PRKG1: variants seen among roughly 807,000 people sequenced by gnomAD.
PRKG1 encodes cGMP-dependent protein kinase 1.
PRKG1 carries 35 observed loss-of-function variants against 88.1 expected under a neutral mutation model. That is an observed-to-expected ratio of 0.40 (90% confidence interval 0.30 to 0.53). The LOEUF (loss-of-function observed/expected upper bound fraction) is 0.53. PRKG1 is among the 20% of genes least tolerant of loss of function. The pLI, the probability that PRKG1 is intolerant of heterozygous loss-of-function variation, is 0.59. For missense variants in PRKG1, 540 were observed against 839.8 expected (o/e 0.64, Z 4.41); for synonymous variants, 303 against 292.5 (o/e 1.04, Z -0.37).
chr10:51,992,200 A>T (rs886889738), intron 5 of PRKG1, among the ~76,000 whole-genome samples: 10 of 152,230 alleles, frequency 6.6e-5, no homozygotes, highest in African/African-American at 2.4e-4. Flanking sequence ...CCTCATGGCA[A>T]TTATATGCCC....
At position 51,831,386 on chromosome 10, in the gene PRKG1, A is replaced by AG. The variant is rs61561933; in HGVS notation, c.698+26696_698+26697insG. Among the ~76,000 whole-genome samples the AG allele has an allele frequency of 8.9e-3, 1,356 of 152,192 alleles. 25 individuals are homozygous for AG. The highest frequency in any genetic ancestry group is 0.031 in the African/African-American group (1,301 of 41,492). On this transcript the variant is annotated intron_variant, in intron 4 of 17. Coordinates refer to ENST00000373980, the MANE Select transcript of PRKG1 (RefSeq NM_006258.4). ...TCAATGCTAACCCCAGAAAAAAAAA[A>AG]TCACTGGTAACATTCTGGTCTATTT...
At chr10:51,573,927 T>C (rs1837820211) in intron 3 of PRKG1, among the ~76,000 whole-genome samples, 1 of 151,896 alleles carries the variant, frequency 6.6e-6, no homozygotes, top group Admixed American at 6.6e-5. Flanking sequence ...ATTTTAGATT[T>C]CCTTTCTCTT....
rs1036439439 is a variant in PRKG1, at chr10:51,554,511, C to T, written c.592+86675C>T. Among the ~76,000 whole-genome samples, 7 of 150,168 alleles carry T rather than the reference C, an allele frequency of 4.7e-5. 1 individual carries two copies. The highest frequency in any genetic ancestry group is 1.0e-4 in the Non-Finnish European group (7 of 67,402). ...CCTCTCTGCCTGATGAATCCCTAAT[C>T]ATTTATTTACTCAATGATTTTTCAA... On this transcript the variant is annotated intron_variant, in intron 3 of 17. Coordinates refer to ENST00000373980, the MANE Select transcript of PRKG1 (RefSeq NM_006258.4).
chr10:51,023,148 C>T (rs1222323263), intron 1 of PRKG1, among the ~76,000 whole-genome samples: 1 of 152,186 alleles, frequency 6.6e-6, no homozygotes, highest in Non-Finnish European at 1.5e-5. Context: ...CTATGTGTTA[C>T]CCTGAGAGTC....
intron 7 of PRKG1, among the ~76,000 whole-genome samples, chr10:52,109,104 G>C (rs1847495345): frequency 6.6e-6 from 1 of 152,116 alleles, no homozygotes; most frequent in Non-Finnish European, 1.5e-5. Context: ...GGGATTACAG[G>C]TGTGAGCCAC....
intron 3 of PRKG1, among the ~76,000 whole-genome samples, chr10:51,690,737 C>G (rs977990472): frequency 6.6e-6 from 1 of 151,780 alleles, no homozygotes; most frequent in Admixed American, 6.6e-5. Flanking sequence ...GCCATCCTGG[C>G]CAATATGGTG....
At chr10:51,816,115 G>T (rs774882124) in intron 4 of PRKG1, among the ~76,000 whole-genome samples, 4 of 152,124 alleles carry the variant, frequency 2.6e-5, no homozygotes, top group Non-Finnish European at 5.9e-5. Context: ...TTTTACTAAG[G>T]CATTTCCATT....
chr10:51,976,442 A>G (rs921841057), intron 5 of PRKG1, among the ~76,000 whole-genome samples: 2 of 152,050 alleles, frequency 1.3e-5, no homozygotes, highest in Non-Finnish European at 2.9e-5. Flanking sequence ...AAGTCCTTAT[A>G]AATGCTACAA....
At chr10:52,084,140 T>G (rs1846851065) in intron 7 of PRKG1, among the ~76,000 whole-genome samples, 1 of 152,014 alleles carries the variant, frequency 6.6e-6, no homozygotes, top group East Asian at 1.9e-4. Context: ...AAGGAGTTCA[T>G]TAGAAGATGA....
At chr10:51,905,467 C>G (rs976807848) in intron 4 of PRKG1, among the ~76,000 whole-genome samples, 6 of 152,168 alleles carry the variant, frequency 3.9e-5, no homozygotes, top group Non-Finnish European at 8.8e-5. Context: ...AAACATCAGG[C>G]ATACAAATGT....
intron 1 of PRKG1, among the ~76,000 whole-genome samples, chr10:51,083,441 A>C (rs1844164453): frequency 6.6e-6 from 1 of 151,560 alleles, no homozygotes; most frequent in Non-Finnish European, 1.5e-5. Context: ...AACAATGATG[A>C]GCGCCTCTTG....
intron 3 of PRKG1, among the ~76,000 whole-genome samples, chr10:51,522,826 T>A (rs1272718919): frequency 6.6e-6 from 1 of 152,178 alleles, no homozygotes; most frequent in Non-Finnish European, 1.5e-5. Context: ...GTTGCTAAGA[T>A]GATACATTCT....
chr10:51,163,554 G>A (rs1003876571), intron 2 of PRKG1, among the ~76,000 whole-genome samples: 9 of 152,268 alleles, frequency 5.9e-5, no homozygotes, highest in South Asian at 2.1e-4. Context: ...AGTGGGTGCC[G>A]CGCACCCGCA....
At chr10:51,180,644 G>A (rs1243770418) in intron 2 of PRKG1, among the ~76,000 whole-genome samples, 1 of 152,132 alleles carries the variant, frequency 6.6e-6, no homozygotes, top group African/African-American at 2.4e-5. Flanking sequence ...GCCTGCTTGC[G>A]AAGCAGACCC....
At chr10:51,977,910 T>A in intron 5 of PRKG1, among the ~76,000 whole-genome samples, 1 of 152,138 alleles carries the variant, frequency 6.6e-6, no homozygotes. Context: ...TTTTCTCCCA[T>A]TCTGTCGGTT....
chr10:52,034,164 T>C (rs371253266), intron 5 of PRKG1, among the ~76,000 whole-genome samples: 33 of 152,202 alleles, frequency 2.2e-4, no homozygotes, highest in African/African-American at 8.0e-4. Context: ...CATGTGCAAA[T>C]CACAGGGGAT....
intron 2 of PRKG1, among the ~76,000 whole-genome samples, chr10:51,355,447 C>A (rs150589285): frequency 2.4e-4 from 36 of 152,152 alleles, no homozygotes; most frequent in African/African-American, 8.7e-4. Context: ...TTGTATTCTG[C>A]AGCTCTTTCT....
intron 2 of PRKG1, among the ~76,000 whole-genome samples, chr10:51,213,867 C>T (rs1467057677): frequency 6.6e-6 from 1 of 151,800 alleles, no homozygotes; most frequent in East Asian, 1.9e-4. Context: ...TTGTTTTATT[C>T]ATGTGTTATT....
intron 2 of PRKG1, among the ~76,000 whole-genome samples, chr10:51,374,092 AAATATATATAT>A (rs1468785137): frequency 1.5e-5 from 2 of 131,466 alleles, no homozygotes; most frequent in Non-Finnish European, 3.4e-5. Context: ...CAAAAAAAAA[AAATATATATAT>A]ATATATATAT....
Sources: gnomAD v4.1 joint callset for allele counts (sites outside exome capture counted in the v4.1 genomes callset) on GRCh38, gnomAD v4.1.1 for gene constraint, MANE v1.5 for transcripts, NCBI Gene and HGNC (gene_info 2026-07-23, HGNC 2026-07-21) for gene names.